SS18L1: variants seen among roughly 807,000 people sequenced by gnomAD.
SS18L1 encodes the protein SS18L1 subunit of BAF chromatin remodeling complex, also known as calcium-responsive transactivator.
Under a neutral mutation model 70.3 loss-of-function variants are expected in SS18L1, and 32 were observed. The observed-to-expected ratio is 0.46, with a 90% CI of 0.34 to 0.61. The LOEUF is 0.61. Among genes scored for constraint, SS18L1 ranks in the 20% least tolerant of loss-of-function variants. The pLI, the probability that SS18L1 is intolerant of heterozygous loss-of-function variation, is 0.01. For missense variants in SS18L1, 430 were observed against 542.1 expected, an observed-to-expected ratio of 0.79 and a Z score of 2.05; for synonymous variants, 237 against 229.7, an observed-to-expected ratio of 1.03 and a Z score of -0.29.
chr20:62,172,612 A>G, intron 8 of SS18L1, 70 bp from the exon 9 acceptor site: 1 of 1,605,902 alleles, frequency 6.2e-7, no homozygotes, highest in Non-Finnish European at 8.5e-7. Context: ...CCGTGTCGTG[A>G]GTGGGCCACA....
intron 6 of SS18L1, 39 bp from the exon 7 acceptor site, chr20:62,164,106 G>T: frequency 6.5e-7 from 1 of 1,533,286 alleles, no homozygotes; most frequent in Non-Finnish European, 8.8e-7. Flanking sequence ...AGGGAGGAGG[G>T]CGCGGCCCGC....
chr20:62,154,945 C>T (rs2057196445), intron 1 of SS18L1, among the ~76,000 whole-genome samples: 1 of 152,222 alleles, frequency 6.6e-6, no homozygotes, highest in South Asian at 2.1e-4. Context: ...TCCCGCCCCT[C>T]TGTTGAATTG....
At position 62,174,777 on chromosome 20, in the gene SS18L1, G is replaced by C. The variant is rs1331576704; in HGVS notation, c.1164+133G>C. On this transcript the variant is annotated intron_variant, in intron 10 of 10. Coordinates refer to ENST00000331758, the MANE Select transcript of SS18L1 (RefSeq NM_198935.3). The surrounding 1 kb of genome is among the most constrained non-coding windows in gnomAD (Gnocchi z 4.1). ...TCCAGGGTTCCTTCCAGAACGTTAAGTCTCTGAGCCTGTAAGGTTTTGCAG... is the reference window on the plus strand; with the variant it reads ...TCCAGGGTTCCTTCCAGAACGTTAACTCTCTGAGCCTGTAAGGTTTTGCAG... 1.3e-6 allele frequency: 2 copies of C among 1,574,730 alleles called. No individual in the cohort carries two copies. Among genetic ancestry groups the C allele is most frequent in the Non-Finnish European group, 1.7e-6 (2 of 1,160,502 alleles).
intron 1 of SS18L1, among the ~76,000 whole-genome samples, chr20:62,157,803 C>G (rs1393891764): frequency 6.6e-6 from 1 of 152,298 alleles, no homozygotes; most frequent in East Asian, 1.9e-4. Flanking sequence ...GTGAGGGCTG[C>G]GGGGTGCCAG....
intron 6 of SS18L1, 24 bp from the exon 7 acceptor site, chr20:62,164,121 G>T (rs2057383227): frequency 6.5e-7 from 1 of 1,545,590 alleles, no homozygotes; most frequent in African/African-American, 1.4e-5. Context: ...GCCCGCACTG[G>T]CGCTGAATGT....
At chr20:62,162,569 G>T (rs1227439914) in intron 4 of SS18L1, 183 bp from the exon 5 acceptor site, 3 of 623,556 alleles carry the variant, frequency 4.8e-6, no homozygotes, top group Non-Finnish European at 7.9e-6. Context: ...CTCCCAAAGT[G>T]CTGGGATTAC....
At position 62,161,623 on chromosome 20, in the gene SS18L1, A is replaced by G; in HGVS notation, c.376+43A>G. On this transcript the variant is annotated intron_variant, in intron 4 of 10. Coordinates refer to ENST00000331758, the MANE Select transcript of SS18L1 (RefSeq NM_198935.3). This position sits in a 1 kb window ranked among gnomAD's most constrained non-coding sequence, Gnocchi z 4.4. ...GGAGGACGTTCCTGGCTACGAGGCCACCAAGGCAGCCCTTGGGCAGCCGGC... is the reference window on the plus strand; with the variant it reads ...GGAGGACGTTCCTGGCTACGAGGCCGCCAAGGCAGCCCTTGGGCAGCCGGC... 1 of 1,582,950 alleles carries G rather than the reference A, an allele frequency of 6.3e-7. No individual in the cohort carries two copies. The highest frequency in any genetic ancestry group is 8.6e-7 in the Non-Finnish European group (1 of 1,158,784).
rs1417696856 is a variant in SS18L1, at chr20:62,159,195, G to A, written c.146+447G>A. ...GGCAGCTCTGTGGCCAACAGCCAGC[G>A]CACCAGGAGACAGCACCTACTCCAG... On this transcript the variant is annotated intron_variant, in intron 2 of 10. Transcript: ENST00000331758. This position sits in a 1 kb window ranked among gnomAD's most constrained non-coding sequence, Gnocchi z 4.4. Among the ~76,000 whole-genome samples the A allele has an allele frequency of 2.6e-5, 4 of 152,334 alleles. No individual in the cohort carries two copies. Among genetic ancestry groups the A allele is most frequent in the South Asian group, 2.1e-4 (1 of 4,830 alleles).
intron 8 of SS18L1, 53 bp from the exon 9 acceptor site, chr20:62,172,629 G>A (rs1215558231): frequency 1.2e-6 from 2 of 1,609,748 alleles, no homozygotes; most frequent in Non-Finnish European, 1.7e-6. Flanking sequence ...CACAGAATGA[G>A]CCCCCTTAGC....
intron 1 of SS18L1, among the ~76,000 whole-genome samples, chr20:62,146,709 T>C (rs908227565): frequency 1.4e-5 from 2 of 139,558 alleles, no homozygotes; most frequent in Admixed American, 1.6e-4. Context: ...CCCGCCCACG[T>C]TCAAGGTTCA....
At chr20:62,157,734 T>C (rs1013973830) in intron 1 of SS18L1, among the ~76,000 whole-genome samples, 1 of 152,228 alleles carries the variant, frequency 6.6e-6, no homozygotes, top group Admixed American at 6.5e-5. Context: ...CGGCCTTCCC[T>C]GTGTGGCCTG....
At chr20:62,151,817 TCCCGCTC>T (rs2057135208) in intron 1 of SS18L1, among the ~76,000 whole-genome samples, 2 of 149,994 alleles carry the variant, frequency 1.3e-5, no homozygotes, top group African/African-American at 4.9e-5. Context: ...TCCCCTCTTT[TCCCGCTC>T]CCCATAGCTG....
chr20:62,178,111 C>T (rs1276716150), intron 10 of SS18L1, among the ~76,000 whole-genome samples: 1 of 149,216 alleles, frequency 6.7e-6, no homozygotes, highest in Admixed American at 6.7e-5. Flanking sequence ...CCTCAACCTC[C>T]GGGGCATGCG....
Position 62,162,853 on chromosome 20 carries a change from C to A in SS18L1, c.478C>A (p.Gln160Lys). 1.2e-6 allele frequency: 2 copies of A among 1,612,932 alleles called. No individual in the cohort carries two copies. Among genetic ancestry groups the A allele is most frequent in the Non-Finnish European group, 1.7e-6 (2 of 1,179,970 alleles). Residue 160 changes from glutamine (Q) to lysine (K), a missense_variant, in exon 5 of 11, where the codon CAG becomes AAG. Transcript: ENST00000331758. ...PGYSHAGPASQGVPMQGQGTI... is the reference protein window; with the variant it reads ...PGYSHAGPASKGVPMQGQGTI... ...CTACAGCCACGCGGGACCCGCCTCG[C>A]AGGGCGTCCCCATGCAGGGGCAAGG...
intron 8 of SS18L1, among the ~76,000 whole-genome samples, chr20:62,167,034 G>GTTT (rs1235961398): frequency 8.1e-6 from 1 of 123,496 alleles, no homozygotes; most frequent in Non-Finnish European, 1.6e-5. Flanking sequence ...GAGCTCAGGA[G>GTTT]TTTGTTTGTT....
At chr20:62,157,009 C>T (rs73137263) in intron 1 of SS18L1, among the ~76,000 whole-genome samples, 1,983 of 152,324 alleles carry the variant, frequency 0.013, 26 homozygotes, top group Non-Finnish European at 0.019. Flanking sequence ...GGTCACAGGG[C>T]GGGTGTCGCC....
At chr20:62,154,693 T>C (rs1361086611) in intron 1 of SS18L1, among the ~76,000 whole-genome samples, 1 of 152,178 alleles carries the variant, frequency 6.6e-6, no homozygotes, top group African/African-American at 2.4e-5. Flanking sequence ...TCCTGTCATG[T>C]TTAGGATCTT....
chr20:62,174,736 C>G lies in SS18L1; in HGVS notation c.1164+92C>G, dbSNP rs751882706. ...TCTTATGGCCATGAGGAATAATGAG[C>G]TGGAACTAACTGGCTTCCAGGGTTC... is the stretch of plus-strand genomic sequence containing the variant. On this transcript the variant is annotated intron_variant, in intron 10 of 10. Transcript: ENST00000331758. The surrounding 1 kb of genome is among the most constrained non-coding windows in gnomAD (Gnocchi z 4.1). 11 of 1,608,618 alleles carry G rather than the reference C, an allele frequency of 6.8e-6. No homozygotes were observed. Among genetic ancestry groups the G allele is most frequent in the Non-Finnish European group, 9.3e-6 (11 of 1,177,974 alleles).
At chr20:62,152,048 G>T (rs2057142849) in intron 1 of SS18L1, among the ~76,000 whole-genome samples, 1 of 150,654 alleles carries the variant, frequency 6.6e-6, no homozygotes, top group Non-Finnish European at 1.5e-5. Flanking sequence ...TCCTGGAGAT[G>T]CCCCGTGGCC....
Sources: gnomAD v4.1 joint callset for allele counts (sites outside exome capture counted in the v4.1 genomes callset) on GRCh38, gnomAD v4.1.1 for gene constraint, Gnocchi (gnomAD v3.1) non-coding constraint, MANE v1.5 for transcripts, NCBI Gene and HGNC (gene_info 2026-07-23, HGNC 2026-07-21) for gene names.